Variants in KCNJ15 observed in about 807,000 individuals in gnomAD.
The protein encoded by KCNJ15 is ATP-sensitive inward rectifier potassium channel 15.
KCNJ15 carries 14 observed loss-of-function variants against 23.0 expected under a neutral mutation model. That is an observed-to-expected ratio of 0.61 (90% CI 0.40 to 0.95). KCNJ15 has a LOEUF of 0.95. Among genes scored for constraint, KCNJ15 ranks in the 40% least tolerant of loss-of-function variants. KCNJ15 has a pLI of 0.00. For missense variants in KCNJ15, 388 were observed against 461.8 expected, an observed-to-expected ratio of 0.84 and a Z score of 1.46; for synonymous variants, 185 against 183.2, an observed-to-expected ratio of 1.01 and a Z score of -0.08.
chr21:38,252,832 T>G (rs1006153514), upstream of KCNJ15, among the ~76,000 whole-genome samples: 20 of 152,206 alleles, frequency 1.3e-4, no homozygotes, highest in Admixed American at 1.2e-3. Flanking sequence ...CCCCAAGCCC[T>G]GTGAATGTTC....
At position 38,265,531 on chromosome 21, in the gene KCNJ15, G is replaced by A. The variant is rs1381418643; in HGVS notation, c.-117+8346G>A. Among the ~76,000 whole-genome samples the A allele has an allele frequency of 4.6e-5, 7 of 152,124 alleles. No homozygotes were observed. In the East Asian group the frequency reaches 1.3e-3, roughly 29 times the overall value. On this transcript the variant is annotated intron_variant, in intron 1 of 2. Transcript: ENST00000398938. Reference sequence around the variant, plus strand: ...GGTTGGTAGAAATGTATATTTGATGGGTTTTTAAATCAACTCTCACTCAGA... The same window carrying A: ...GGTTGGTAGAAATGTATATTTGATGAGTTTTTAAATCAACTCTCACTCAGA...
chr21:38,275,509 G>A (rs9305641), intron 1 of KCNJ15, among the ~76,000 whole-genome samples: 91,908 of 133,012 alleles, frequency 0.69, 31,288 homozygotes, highest in South Asian at 0.75. Context: ...GCGACAGACC[G>A]AAACTCCGTC....
intron 1 of KCNJ15, among the ~76,000 whole-genome samples, chr21:38,278,056 T>G (rs1982919168): frequency 6.6e-6 from 1 of 152,194 alleles, no homozygotes; most frequent in Admixed American, 6.5e-5. Flanking sequence ...AACAGCTATG[T>G]GTACTGTAGG....
chr21:38,235,382 C>T (rs1267150598), intron 1 of KCNJ15, among the ~76,000 whole-genome samples: 1 of 151,964 alleles, frequency 6.6e-6, no homozygotes, highest in Non-Finnish European at 1.5e-5. Flanking sequence ...GGTGAATCCT[C>T]GTCTCTACTA....
chr21:38,266,490 G>A lies in KCNJ15; in HGVS notation c.-117+9305G>A, dbSNP rs1315602688. ...AACTTATTTTTTTTATGGCTGCATA[G>A]TATTCCATGGTGTATATGTGCCACA... On this transcript the variant is annotated intron_variant, in intron 1 of 2. Coordinates refer to ENST00000398938, the MANE Select transcript of KCNJ15 (RefSeq NM_170736.3). Among the ~76,000 whole-genome samples, 3 of 152,132 alleles carry A rather than the reference G, an allele frequency of 2.0e-5. No homozygotes were observed. The South Asian group carries it at 6.2e-4, about 32-fold the overall frequency.
intron 1 of KCNJ15, among the ~76,000 whole-genome samples, chr21:38,292,640 G>A (rs948249180): frequency 6.6e-6 from 1 of 152,104 alleles, no homozygotes; most frequent in African/African-American, 2.4e-5. Context: ...TCAGTGTTGA[G>A]TCATAGACCA....
chr21:38,280,046 G>T (rs1315859234), intron 1 of KCNJ15, among the ~76,000 whole-genome samples: 1 of 152,068 alleles, frequency 6.6e-6, no homozygotes. Context: ...CAATTTTAAG[G>T]GTCTTCATCC....
At chr21:38,265,958 A>G (rs574354378) in intron 1 of KCNJ15, among the ~76,000 whole-genome samples, 11 of 152,222 alleles carry the variant, frequency 7.2e-5, no homozygotes, top group Non-Finnish European at 1.0e-4. Context: ...AAGCCTTCAG[A>G]GCAGGAGGAG....
intron 1 of KCNJ15, among the ~76,000 whole-genome samples, chr21:38,273,197 C>T (rs1331044339): frequency 6.6e-6 from 1 of 152,078 alleles, no homozygotes; most frequent in African/African-American, 2.4e-5. Flanking sequence ...AAGATTTTTG[C>T]AATATGAAAC....
intron 1 of KCNJ15, among the ~76,000 whole-genome samples, chr21:38,266,049 G>A (rs1301500819): frequency 2.0e-5 from 3 of 152,162 alleles, no homozygotes; most frequent in Non-Finnish European, 2.9e-5. Flanking sequence ...GAATGGGAGA[G>A]TGAGGGCCAC....
intron 1 of KCNJ15, among the ~76,000 whole-genome samples, chr21:38,277,562 G>A (rs1364802494): frequency 6.6e-6 from 1 of 152,076 alleles, no homozygotes; most frequent in Non-Finnish European, 1.5e-5. Flanking sequence ...GAACTTCCAC[G>A]TGCTCTTGGA....
At chr21:38,288,037 T>C (rs1288173456) in intron 1 of KCNJ15, among the ~76,000 whole-genome samples, 4 of 76,916 alleles carry the variant, frequency 5.2e-5, no homozygotes, top group African/African-American at 1.9e-4. Flanking sequence ...TTTGTTTTTT[T>C]TTTTTTTTTT....
At chr21:38,267,023 G>A (rs1362449200) in intron 1 of KCNJ15, among the ~76,000 whole-genome samples, 2 of 152,200 alleles carry the variant, frequency 1.3e-5, no homozygotes, top group Non-Finnish European at 2.9e-5. Flanking sequence ...CTAATTCAAA[G>A]GGTATTTTGA....
intron 1 of KCNJ15, among the ~76,000 whole-genome samples, chr21:38,247,991 T>TA (rs1348672301): frequency 6.6e-6 from 1 of 152,238 alleles, no homozygotes; most frequent in East Asian, 1.9e-4. Context: ...TGACAAGTGT[T>TA]ATTGCTTCCA....
At position 38,302,759 on chromosome 21, in the gene KCNJ15, G is replaced by A. The variant is rs1445727708; in HGVS notation, c.*2370G>A. The A allele has an allele frequency of 5.9e-5, 9 of 152,008 alleles. No individual in the cohort carries two copies. Among genetic ancestry groups the A allele is most frequent in the Non-Finnish European group, 1.3e-4 (9 of 68,006 alleles). The allele number at this position is 152,008 out of a possible 1,614,324, so 9.4% of individuals were successfully genotyped here. On this transcript the variant is annotated 3_prime_UTR_variant, in exon 3 of 3. Coordinates refer to ENST00000398938, the MANE Select transcript of KCNJ15 (RefSeq NM_170736.3). ...ATCTTGTTCATTTATATTGTATATG[G>A]TACAAGGACGTAGCATAAGATCCAA... is the stretch of plus-strand genomic sequence containing the variant.
At chr21:38,257,760 T>A (rs1980418114) in intron 1 of KCNJ15, among the ~76,000 whole-genome samples, 3 of 152,226 alleles carry the variant, frequency 2.0e-5, no homozygotes, top group Non-Finnish European at 4.4e-5. Context: ...GATTAATATG[T>A]TTTTTAATCT....
At chr21:38,292,941 C>A (rs1352444960) in intron 1 of KCNJ15, among the ~76,000 whole-genome samples, 2 of 149,456 alleles carry the variant, frequency 1.3e-5, no homozygotes, top group African/African-American at 5.0e-5. Flanking sequence ...TGCACTCCAG[C>A]CTGCGTGACA....
chr21:38,241,423 G>A (rs1041110747), intron 1 of KCNJ15, among the ~76,000 whole-genome samples: 4 of 152,188 alleles, frequency 2.6e-5, no homozygotes, highest in Non-Finnish European at 4.4e-5. Flanking sequence ...TCTCTGTGAC[G>A]GGGCCTGCTG....
rs143998734 is a variant in KCNJ15 at position 38,293,970 on chromosome 21, G to A, written c.-116-2956G>A. ...GATCCTTCACTGCTGCGTAGTGTAG[G>A]GAGGAAAATGGCCCAAGGCCAAGGC... On this transcript the variant is annotated intron_variant, in intron 1 of 2. Transcript: ENST00000398938. Among the ~76,000 whole-genome samples, 11 of 152,344 alleles carry A rather than the reference G, an allele frequency of 7.2e-5. No homozygotes were observed. The East Asian group carries it at 1.7e-3, about 24-fold the overall frequency.
Sources: allele counts gnomAD v4.1 joint callset (sites outside exome capture counted in the v4.1 genomes callset), GRCh38; gene constraint gnomAD v4.1.1; transcripts MANE v1.5; gene names NCBI Gene and HGNC (gene_info 2026-07-23, HGNC 2026-07-21).